Variants in FAM151B observed in about 807,000 individuals in gnomAD.
The protein encoded by FAM151B is protein FAM151B.
In FAM151B, 24 loss-of-function variants were observed where a neutral mutation model predicts 31.2. That is an observed-to-expected ratio of 0.77 (90% CI 0.56 to 1.08). The LOEUF is 1.08. Among genes scored for constraint, FAM151B ranks in the 50% least tolerant of loss-of-function variants. FAM151B has a pLI of 0.00. For synonymous variants in FAM151B, 105 were observed against 111.4 expected (o/e 0.94, Z 0.36); for missense variants, 293 against 328.6 (o/e 0.89, Z 0.84).
chr5:80,513,437 G>A, intron 2 of FAM151B, among the ~76,000 whole-genome samples, 167 bp from the exon 3 acceptor site: 1 of 152,174 alleles, frequency 6.6e-6, no homozygotes, highest in East Asian at 1.9e-4. Context: ...AAAATAGGGA[G>A]AATGTGTACG....
At position 80,511,692 on chromosome 5, in the gene FAM151B, C is replaced by T. The variant is rs182320274; in HGVS notation, c.152-1912C>T. Reference sequence around the variant, plus strand: ...CACAATCTCAGCTCACTGCAACTTCCGCCTCCTGGGTTCAAGTGATTCTCC... The same window carrying T: ...CACAATCTCAGCTCACTGCAACTTCTGCCTCCTGGGTTCAAGTGATTCTCC... On this transcript the variant is annotated intron_variant, in intron 2 of 5. Transcript: ENST00000282226. Among the ~76,000 whole-genome samples, 298 of 152,116 alleles carry T rather than the reference C, an allele frequency of 2.0e-3. 1 individual carries two copies. The highest frequency in any genetic ancestry group is 3.5e-3 in the Admixed American group (53 of 15,270).
chr5:80,529,076 A>C (rs1431017807), intron 5 of FAM151B, among the ~76,000 whole-genome samples: 1 of 152,260 alleles, frequency 6.6e-6, no homozygotes, highest in African/African-American at 2.4e-5. Flanking sequence ...ACTCAGGATT[A>C]AGAAACTCAC....
chr5:80,501,900 C>T lies in FAM151B; in HGVS notation c.134C>T (p.Thr45Ile), dbSNP rs558318475. The part of the protein sequence containing the change: ...WYHAANHKAQ[T>I]NEALKSTAHM... ...CATGCAGCTAACCACAAGGCACAAA[C>T]AAATGAGGCACTGAAAAGTAAGTCA... Residue 45 changes from threonine to isoleucine, a missense_variant, in exon 2 of 6, where the codon ACA becomes ATA. By Grantham distance (89) the Thr-to-Ile change is moderately conservative. Coordinates refer to ENST00000282226, the MANE Select transcript of FAM151B (RefSeq NM_205548.3). 3 of 1,601,420 alleles carry T rather than the reference C, an allele frequency of 1.9e-6. No homozygotes were observed. The highest frequency in any genetic ancestry group is 2.2e-5 in the East Asian group (1 of 44,502).
intron 5 of FAM151B, among the ~76,000 whole-genome samples, chr5:80,538,119 GTTCAGTGGCGCGAT>G (rs1442942316): frequency 6.7e-6 from 1 of 149,878 alleles, no homozygotes; most frequent in African/African-American, 2.5e-5. Context: ...CCAGGCTGGA[GTTCAGTGGCGCGAT>G]TTCGGGTCAC....
intron 3 of FAM151B, among the ~76,000 whole-genome samples, chr5:80,517,142 TGA>T (rs888398500): frequency 1.3e-5 from 2 of 151,294 alleles, no homozygotes; most frequent in South Asian, 2.1e-4. Flanking sequence ...TATGCTATTT[TGA>T]GAGAGAGAGA....
intron 5 of FAM151B, among the ~76,000 whole-genome samples, chr5:80,530,849 C>T (rs1225846613): frequency 1.3e-5 from 2 of 152,160 alleles, no homozygotes. Flanking sequence ...CACCATCAAG[C>T]TACCAATGAC....
chr5:80,536,089 G>C (rs573701278), intron 5 of FAM151B, among the ~76,000 whole-genome samples: 50 of 152,284 alleles, frequency 3.3e-4, no homozygotes, highest in African/African-American at 1.2e-3. Context: ...GGCAGTAAAT[G>C]CTAGCAAGGA....
chr5:80,499,310 A>C (rs570831546), intron 1 of FAM151B, among the ~76,000 whole-genome samples: 1 of 152,324 alleles, frequency 6.6e-6, no homozygotes, highest in South Asian at 2.1e-4. Context: ...ATCAAGAGAA[A>C]ATATGTTATA....
At chr5:80,520,515 T>G (rs1744651893) in intron 4 of FAM151B, among the ~76,000 whole-genome samples, 1 of 151,498 alleles carries the variant, frequency 6.6e-6, no homozygotes, top group African/African-American at 2.4e-5. Context: ...CATGGTAGTG[T>G]GTGCCTGTAG....
chr5:80,500,794 AAGC>A, intron 1 of FAM151B: 1 of 1,481,804 alleles, frequency 6.7e-7, no homozygotes, highest in Non-Finnish European at 9.3e-7. Context: ...ACTAATCTAC[AAGC>A]GTGGTTATGG....
intron 2 of FAM151B, among the ~76,000 whole-genome samples, chr5:80,505,376 G>C (rs1306584539): frequency 6.6e-6 from 1 of 151,034 alleles, no homozygotes; most frequent in Non-Finnish European, 1.5e-5. Flanking sequence ...GAGAGACATA[G>C]CAAACATCCA....
intron 5 of FAM151B, among the ~76,000 whole-genome samples, chr5:80,536,925 G>C (rs927374525): frequency 6.6e-6 from 1 of 152,168 alleles, no homozygotes; most frequent in African/African-American, 2.4e-5. Flanking sequence ...GGGTGTTGGG[G>C]GGAGGTGTGA....
intron 5 of FAM151B, among the ~76,000 whole-genome samples, chr5:80,536,601 T>G (rs1167326902): frequency 6.6e-6 from 1 of 152,230 alleles, no homozygotes; most frequent in Non-Finnish European, 1.5e-5. Flanking sequence ...ACTTCGATGT[T>G]TGTTGCAGCA....
At chr5:80,536,658 C>T (rs774613564) in intron 5 of FAM151B, among the ~76,000 whole-genome samples, 1 of 152,016 alleles carries the variant, frequency 6.6e-6, no homozygotes, top group Non-Finnish European at 1.5e-5. Context: ...TGTTCATCAA[C>T]AGATGAATAG....
chr5:80,496,184 A>C (rs546913433), intron 1 of FAM151B, among the ~76,000 whole-genome samples: 1 of 152,334 alleles, frequency 6.6e-6, no homozygotes, highest in East Asian at 1.9e-4. Flanking sequence ...GAAAGGAAGA[A>C]TCCACTGATG....
At chr5:80,511,752 G>A (rs1327564700) in intron 2 of FAM151B, among the ~76,000 whole-genome samples, 6 of 151,952 alleles carry the variant, frequency 3.9e-5, no homozygotes, top group Admixed American at 2.6e-4. Context: ...GATTACAGGC[G>A]CCTGCCACCA....
intron 1 of FAM151B, chr5:80,498,651 C>A: frequency 2.9e-6 from 2 of 700,008 alleles, no homozygotes; most frequent in Non-Finnish European, 5.2e-6. Context: ...ACAAAGGTGT[C>A]TAATTTTGCC....
chr5:80,495,674 C>G (rs1743505578), intron 1 of FAM151B, among the ~76,000 whole-genome samples: 1 of 151,632 alleles, frequency 6.6e-6, no homozygotes, highest in South Asian at 2.1e-4. Flanking sequence ...ACTAAAAATG[C>G]AAAAAATTAG....
chr5:80,501,156 G>T (rs1743725343), intron 1 of FAM151B: 7 of 369,462 alleles, frequency 1.9e-5, no homozygotes, highest in South Asian at 1.7e-4. Context: ...TGGGATTACA[G>T]GCGTGTGCCA....
Sources: gnomAD v4.1 joint callset for allele counts (sites outside exome capture counted in the v4.1 genomes callset) on GRCh38, gnomAD v4.1.1 for gene constraint, MANE v1.5 for transcripts, NCBI Gene and HGNC (gene_info 2026-07-23, HGNC 2026-07-21) for gene names.